ELAPOR1: variants seen among roughly 807,000 people sequenced by gnomAD.
ELAPOR1 encodes the protein endosome-lysosome associated apoptosis and autophagy regulator 1.
In ELAPOR1, 77 loss-of-function variants were observed where a neutral mutation model predicts 119.7. The ratio of observed to expected loss-of-function variants is 0.64; its 90% CI spans 0.54 to 0.78. The LOEUF is 0.78. Ranked by LOEUF, ELAPOR1 falls within the 30% of genes least tolerant of loss-of-function variation. ELAPOR1 has a pLI of 0.00. For synonymous variants in ELAPOR1, 481 were observed against 487.2 expected, an observed-to-expected ratio of 0.99 and a Z score of 0.17; for missense variants, 1,115 against 1,270.4, an observed-to-expected ratio of 0.88 and a Z score of 1.86.
intron 1 of ELAPOR1, among the ~76,000 whole-genome samples, chr1:109,158,618 C>A (rs1051597313): frequency 1.3e-5 from 2 of 152,122 alleles, no homozygotes; most frequent in African/African-American, 4.8e-5. Context: ...CTGCTGTGTC[C>A]CATTTAGCAG....
chr1:109,179,908 A>G (rs541451620), intron 7 of ELAPOR1, among the ~76,000 whole-genome samples: 86 of 152,170 alleles, frequency 5.7e-4, no homozygotes, highest in African/African-American at 1.9e-3. Context: ...CTCCATCTCA[A>G]AAAAAAAGAA....
At chr1:109,198,214 T>C (rs528654778) in intron 17 of ELAPOR1, 139 bp downstream of exon 17, 32 of 702,146 alleles carry the variant, frequency 4.6e-5, no homozygotes, top group South Asian at 4.4e-4. Flanking sequence ...CCAGTCATGA[T>C]AGCTAAGGGC....
intron 1 of ELAPOR1, among the ~76,000 whole-genome samples, chr1:109,156,889 C>T (rs553716207): frequency 6.6e-6 from 1 of 152,300 alleles, no homozygotes; most frequent in South Asian, 2.1e-4. Flanking sequence ...CCTCACTTGA[C>T]AATCCCATCA....
At chr1:109,182,866 CAAA>C (rs60530937) in intron 7 of ELAPOR1, among the ~76,000 whole-genome samples, 20 of 96,538 alleles carry the variant, frequency 2.1e-4, no homozygotes, top group East Asian at 3.0e-4. Flanking sequence ...GACTCCATCT[CAAA>C]AAAAAAAAAA....
In ELAPOR1 at chr1:109,194,488, A is replaced by T; in HGVS notation, c.2015A>T (p.Asn672Ile). ...ACTCCGACCAGGACTTTCAACTACA[A>T]CTTCTCCGCTTTGGCAAACACTGTC... Reference protein sequence around the residue: ...RNTPTRTFNYNFSALANTVTL... With the variant: ...RNTPTRTFNYIFSALANTVTL... Residue 672 changes from asparagine (N) to isoleucine (I), a missense_variant, in exon 15 of 22, where the codon AAC becomes ATC. Asn to Ile is a moderately radical substitution (Grantham distance 149). Coordinates refer to ENST00000369939, the MANE Select transcript of ELAPOR1 (RefSeq NM_020775.5). The T allele has an allele frequency of 6.2e-7, 1 of 1,613,630 alleles. No homozygotes were observed. The highest frequency in any genetic ancestry group is 8.5e-7 in the Non-Finnish European group (1 of 1,179,648).
chr1:109,120,562 G>A (rs1247015179), intron 1 of ELAPOR1, among the ~76,000 whole-genome samples: 1 of 152,156 alleles, frequency 6.6e-6, no homozygotes, highest in African/African-American at 2.4e-5. Flanking sequence ...CTCCAGAGCT[G>A]TGAGCAATCA....
At chr1:109,183,347 AACAAAAAAAAGAG>A (rs1479101124) in intron 7 of ELAPOR1, among the ~76,000 whole-genome samples, 2,195 of 15,318 alleles carry the variant, frequency 0.14, 133 homozygotes, top group African/African-American at 0.19. Flanking sequence ...AAAAAAAAAA[AACAAAAAAAAGAG>A]AGAGAGAGAG....
intron 1 of ELAPOR1, among the ~76,000 whole-genome samples, 172 bp downstream of exon 1, chr1:109,114,508 G>C (rs1027981774): frequency 1.3e-5 from 2 of 152,170 alleles, no homozygotes; most frequent in African/African-American, 4.8e-5. Context: ...GAGGAGGCCA[G>C]CACATTGGAG....
intron 1 of ELAPOR1, among the ~76,000 whole-genome samples, chr1:109,161,265 C>A (rs970232758): frequency 6.6e-6 from 1 of 151,950 alleles, no homozygotes; most frequent in African/African-American, 2.4e-5. Context: ...CAAAAATTAG[C>A]CTGGCGTGGT....
chr1:109,197,342 GA>G, intron 15 of ELAPOR1, 131 bp from the exon 16 acceptor site: 1 of 746,178 alleles, frequency 1.3e-6, no homozygotes. Flanking sequence ...GACCTGGGAT[GA>G]ATCATTCCCC....
intron 7 of ELAPOR1, among the ~76,000 whole-genome samples, chr1:109,182,643 G>A (rs971847118): frequency 4.6e-5 from 7 of 151,834 alleles, no homozygotes; most frequent in African/African-American, 1.2e-4. Context: ...CAAGGCAGGC[G>A]GATCACGAGG....
intron 8 of ELAPOR1, chr1:109,187,272 T>C: frequency 1.0e-6 from 1 of 985,448 alleles, no homozygotes; most frequent in Non-Finnish European, 1.2e-6. Flanking sequence ...TCCCTGAGAC[T>C]CACAGGAGGC....
At chr1:109,172,893 G>A (rs963232127) in intron 5 of ELAPOR1, among the ~76,000 whole-genome samples, 5 of 151,964 alleles carry the variant, frequency 3.3e-5, no homozygotes, top group Admixed American at 1.3e-4. Flanking sequence ...TCAGGAGTTC[G>A]AGACCAGCCT....
chr1:109,153,559 A>G (rs1311726166), intron 1 of ELAPOR1, among the ~76,000 whole-genome samples: 1 of 152,220 alleles, frequency 6.6e-6, no homozygotes, highest in African/African-American at 2.4e-5. Flanking sequence ...CAGAATCTGG[A>G]AAGAAATACA....
In ELAPOR1 at chr1:109,186,883, G is replaced by A. The variant is rs1183783793; in HGVS notation, c.1042-1294G>A. On this transcript the variant is annotated intron_variant, in intron 8 of 21. Coordinates refer to ENST00000369939, the MANE Select transcript of ELAPOR1 (RefSeq NM_020775.5). ...TCTGCCTTGGCCTGACCACTGCCGG[G>A]GCCTTTAGATGCTGGGTCAGACCAA... 3 of 985,398 alleles carry A rather than the reference G, an allele frequency of 3.0e-6. No individual in the cohort carries two copies. The African/African-American group carries it at 5.2e-5, about 17-fold the overall frequency. The allele number at this position is 985,398 out of a possible 1,614,324, so 61.0% of individuals were successfully genotyped here. A position where few individuals can be genotyped will look rare whatever the true frequency, so the allele number is the denominator to read the frequency against.
chr1:109,189,898 C>CT (rs1653322965), intron 11 of ELAPOR1, among the ~76,000 whole-genome samples: 2 of 152,062 alleles, frequency 1.3e-5, no homozygotes, highest in Non-Finnish European at 2.9e-5. Flanking sequence ...GCTCTCTCTC[C>CT]CGTATAGCTT....
intron 1 of ELAPOR1, among the ~76,000 whole-genome samples, chr1:109,137,046 T>C (rs555400913): frequency 2.6e-5 from 4 of 152,048 alleles, no homozygotes; most frequent in Non-Finnish European, 5.9e-5. Flanking sequence ...CTGGTGAGTT[T>C]GAGGGGTGAA....
intron 2 of ELAPOR1, among the ~76,000 whole-genome samples, chr1:109,163,590 G>A (rs934834740): frequency 6.6e-6 from 1 of 151,536 alleles, no homozygotes; most frequent in African/African-American, 2.4e-5. Flanking sequence ...GTAGTGACAG[G>A]GTCTCACTGT....
At chr1:109,201,942 A>G (rs1262710960) in intron 21 of ELAPOR1, among the ~76,000 whole-genome samples, 4 of 152,106 alleles carry the variant, frequency 2.6e-5, no homozygotes, top group Admixed American at 6.5e-5. Context: ...TCTACAAAAT[A>G]AAAAACAATC....
Sources: gnomAD v4.1 joint callset for allele counts (sites outside exome capture counted in the v4.1 genomes callset) on GRCh38, gnomAD v4.1.1 for gene constraint, MANE v1.5 for transcripts, NCBI Gene and HGNC (gene_info 2026-07-23, HGNC 2026-07-21) for gene names.